Variants in IL31RA observed in about 807,000 individuals in gnomAD.
IL31RA encodes interleukin 31 receptor A.
A neutral mutation model predicts 83.7 loss-of-function variants in IL31RA; 66 were observed. The ratio of observed to expected loss-of-function variants is 0.79; its 90% CI spans 0.65 to 0.97. The LOEUF (loss-of-function observed/expected upper bound fraction) is 0.97. Among genes scored for constraint, IL31RA ranks in the 50% least tolerant of loss-of-function variants. IL31RA has a pLI of 0.00. For missense variants in IL31RA, 798 were observed against 919.4 expected, an observed-to-expected ratio of 0.87 and a Z score of 1.71; for synonymous variants, 325 against 329.0, an observed-to-expected ratio of 0.99 and a Z score of 0.13.
chr5:55,874,556 T>C (rs1344503993), intron 4 of IL31RA, among the ~76,000 whole-genome samples: 1 of 152,138 alleles, frequency 6.6e-6, no homozygotes, highest in Non-Finnish European at 1.5e-5. Flanking sequence ...TTTCATTAAT[T>C]TGTTACAGTT....
chr5:55,853,274 C>CT (rs199545528), intron 1 of IL31RA: 3,818 of 1,118,874 alleles, frequency 3.4e-3, no homozygotes, highest in East Asian at 0.011. Flanking sequence ...TCAGATGATC[C>CT]TTTTTTTTTG....
Position 55,908,274 on chromosome 5 carries a change from A to G in IL31RA, c.1364A>G (p.Glu455Gly). 2.5e-6 allele frequency: 4 copies of G among 1,614,170 alleles called. No individual in the cohort carries two copies. The highest frequency in any genetic ancestry group is 3.4e-6 in the Non-Finnish European group (4 of 1,180,030). Residue 455 changes from glutamate (E) to glycine (G), a missense_variant, in exon 11 of 15, where the codon GAA (glutamate) becomes GGA (glycine). Glu to Gly is a moderately conservative substitution (Grantham distance 98, BLOSUM62 -2). Coordinates refer to ENST00000652347, the MANE Select transcript of IL31RA (RefSeq NM_139017.7). ...CCTCTGTCCTTTCCAGTTCCATCAG[A>G]AGGTCCTGAGACCAAGGTGGAGAAC... ...QAYAKEGVPS[E>G]GPETKVENIG...
chr5:55,895,795 C>T (rs561166697), intron 6 of IL31RA, among the ~76,000 whole-genome samples: 5 of 152,294 alleles, frequency 3.3e-5, no homozygotes, highest in African/African-American at 1.2e-4. Context: ...ATAGGCACCT[C>T]AATGTGATTC....
rs1320019251 is a variant in IL31RA at position 55,919,604 on chromosome 5, T to G, written c.*2484T>G. Among the ~76,000 whole-genome samples the G allele has an allele frequency of 6.6e-6, 1 of 152,238 alleles. No individual in the cohort carries two copies. The highest frequency in any genetic ancestry group is 6.5e-5 in the Admixed American group (1 of 15,286). On this transcript the variant is annotated 3_prime_UTR_variant, in exon 15 of 15. Coordinates refer to ENST00000652347, the MANE Select transcript of IL31RA (RefSeq NM_139017.7). ...CTTGCTATTGTTTTCTTGTTTCTTT[T>G]CATTCCTTTCTCCCCTTCCATCAGC...
intron 2 of IL31RA, among the ~76,000 whole-genome samples, chr5:55,867,093 GTGTGTT>G (rs66776158): frequency 0.28 from 27,909 of 100,390 alleles, 5,427 homozygotes; most frequent in South Asian, 0.46. Flanking sequence ...GTTTGTGTGT[GTGTGTT>G]TGTGTGTGTG....
At chr5:55,886,153 C>G (rs755963343) in intron 5 of IL31RA, among the ~76,000 whole-genome samples, 1 of 152,090 alleles carries the variant, frequency 6.6e-6, no homozygotes, top group African/African-American at 2.4e-5. Context: ...TGCTTCCTGC[C>G]AGTCCCAGAG....
chr5:55,908,212 G>A (rs1013722914), intron 10 of IL31RA, 53 bp from the exon 11 acceptor site: 39 of 1,610,906 alleles, frequency 2.4e-5, no homozygotes, highest in African/African-American at 2.7e-5. Context: ...GTGGGGGAAC[G>A]ATCTCCTGGA....
chr5:55,880,880 C>T (rs1408644149), intron 4 of IL31RA, among the ~76,000 whole-genome samples: 4 of 152,178 alleles, frequency 2.6e-5, no homozygotes, highest in African/African-American at 9.7e-5. Flanking sequence ...TCTGAGTTAC[C>T]AGCAGCAAAT....
At chr5:55,843,493 T>A in the IL31RA span, among the ~76,000 whole-genome samples, 3 of 152,226 alleles carry the variant, frequency 2.0e-5, no homozygotes, top group Non-Finnish European at 2.9e-5. Flanking sequence ...TCTGCAGCTA[T>A]GAATTTTGAG....
intron 4 of IL31RA, among the ~76,000 whole-genome samples, chr5:55,873,392 A>G (rs538478340): frequency 6.6e-6 from 1 of 152,204 alleles, no homozygotes; most frequent in Non-Finnish European, 1.5e-5. Flanking sequence ...TTTTGTGTGG[A>G]CATGTTTCAA....
chr5:55,888,442 A>G (rs1292861728), intron 5 of IL31RA, among the ~76,000 whole-genome samples: 2 of 152,232 alleles, frequency 1.3e-5, no homozygotes, highest in Admixed American at 6.5e-5. Flanking sequence ...TGTGTAATGT[A>G]CGTGATGAGA....
intron 1 of IL31RA, chr5:55,853,332 T>C (rs1478856373): frequency 7.8e-7 from 1 of 1,277,178 alleles, no homozygotes; most frequent in Non-Finnish European, 9.9e-7. Flanking sequence ...TTAACAATAA[T>C]GCAATCCATT....
At chr5:55,864,502 A>G (rs13163900) in intron 2 of IL31RA, among the ~76,000 whole-genome samples, 1 of 150,492 alleles carries the variant, frequency 6.6e-6, no homozygotes, top group African/African-American at 2.5e-5. Flanking sequence ...TAATCATACT[A>G]CACACACCAC....
rs373885019 is a variant in IL31RA at position 55,883,225 on chromosome 5, A to G, written c.606+30A>G. ...GTTATGCCATTATAATAATATTCCA[A>G]TTAGAGGCCCAGAGGAAAAGAATCA... On this transcript the variant is annotated intron_variant, in intron 5 of 14. Transcript: ENST00000652347. 272 of 1,543,074 alleles carry G rather than the reference A, an allele frequency of 1.8e-4. 1 individual carries two copies. Among genetic ancestry groups the G allele is most frequent in the Admixed American group, 1.3e-3 (76 of 59,664 alleles).
rs527853140 is a variant in IL31RA at position 55,859,573 on chromosome 5, C to A, written c.128C>A (p.Pro43His). 1.1e-5 allele frequency: 18 copies of A among 1,612,550 alleles called. No individual in the cohort carries two copies. In the African/African-American group the frequency reaches 2.1e-4, roughly 19 times the overall value. ...TGGACCTGGGCACTGTGGATGCTCC[C>A]CTCACTCTGCAAATTCAGCCTGGCA... Reference protein sequence around the residue: ...MMWTWALWMLPSLCKFSLAAL... With the variant: ...MMWTWALWMLHSLCKFSLAAL... Residue 43 changes from proline to histidine, a missense_variant, in exon 2 of 15, where the codon CCC (proline) becomes CAC (histidine). Physicochemically the swap from Pro to His is moderately conservative, Grantham distance 77. Transcript: ENST00000652347.
chr5:55,847,535 T>A (rs187559034), upstream of IL31RA, among the ~76,000 whole-genome samples: 38 of 152,190 alleles, frequency 2.5e-4, no homozygotes, highest in Middle Eastern at 3.4e-3. Context: ...TGAGCCAAGA[T>A]CGCACCACTA....
chr5:55,867,834 G>A lies in IL31RA; in HGVS notation c.155-957G>A, dbSNP rs1009309630. ...ACCCCTGATAAACCCGTCAGATCTC[G>A]TGGGTTATTTACTTATTTACTATCA... On this transcript the variant is annotated intron_variant, in intron 2 of 14. Transcript: ENST00000652347. Among the ~76,000 whole-genome samples, 3 of 152,046 alleles carry A rather than the reference G, an allele frequency of 2.0e-5. No individual in the cohort carries two copies. In the East Asian group the frequency reaches 5.8e-4, roughly 29 times the overall value.
At chr5:55,891,167 G>C (rs548902696) in intron 6 of IL31RA, among the ~76,000 whole-genome samples, 1 of 152,018 alleles carries the variant, frequency 6.6e-6, no homozygotes, top group African/African-American at 2.4e-5. Context: ...AAAATATGTA[G>C]AGTCACTCCC....
Position 55,859,554 on chromosome 5 carries a change from T to G in IL31RA, c.109T>G (p.Trp37Gly), listed in dbSNP as rs763503153. The change falls in exon 2 of 15, where the codon TGG (tryptophan) becomes GGG (glycine). Residue 37 changes from tryptophan (W) to glycine (G), a missense_variant. Trp to Gly is a radical substitution (Grantham distance 184, BLOSUM62 -2). Transcript: ENST00000652347. Reference sequence around the variant, plus strand: ...TGTTAACCTGGGGATGATGTGGACCTGGGCACTGTGGATGCTCCCCTCACT... The same window carrying G: ...TGTTAACCTGGGGATGATGTGGACCGGGGCACTGTGGATGCTCCCCTCACT... ...SCVNLGMMWT[W>G]ALWMLPSLCK... 13 of 1,612,966 alleles carry G rather than the reference T, an allele frequency of 8.1e-6. 1 individual carries two copies. The South Asian group carries it at 1.4e-4, about 18-fold the overall frequency.
Sources: gnomAD v4.1 joint callset for allele counts (sites outside exome capture counted in the v4.1 genomes callset) on GRCh38, gnomAD v4.1.1 for gene constraint, MANE v1.5 for transcripts, NCBI Gene and HGNC (gene_info 2026-07-23, HGNC 2026-07-21) for gene names.